JAZF1: variants seen among roughly 807,000 people sequenced by gnomAD.
JAZF1 encodes juxtaposed with another zinc finger protein 1.
Under a neutral mutation model 26.4 loss-of-function variants are expected in JAZF1, and 8 were observed. The observed-to-expected ratio is 0.30, with a 90% CI of 0.18 to 0.55. The LOEUF is 0.55. Ranked by LOEUF, JAZF1 falls within the 20% of genes least tolerant of loss-of-function variation. The pLI is 0.94. For synonymous variants in JAZF1, 126 were observed against 122.3 expected, an observed-to-expected ratio of 1.03 and a Z score of -0.20; for missense variants, 199 against 322.0, an observed-to-expected ratio of 0.62 and a Z score of 2.92.
chr7:28,174,254 G>C (rs1379187742), intron 1 of JAZF1, among the ~76,000 whole-genome samples: 3 of 152,188 alleles, frequency 2.0e-5, no homozygotes, highest in Non-Finnish European at 4.4e-5. Context: ...GGGTATGTAT[G>C]ATTGTTGCCC....
At chr7:28,096,662 A>T (rs1784390958) in intron 1 of JAZF1, among the ~76,000 whole-genome samples, 1 of 152,228 alleles carries the variant, frequency 6.6e-6, no homozygotes, top group African/African-American at 2.4e-5. Flanking sequence ...GATGGCCAAT[A>T]AGAGACTATT....
chr7:28,174,821 G>GGGGGGTGTGT (rs758961535), intron 1 of JAZF1, among the ~76,000 whole-genome samples: 1 of 107,690 alleles, frequency 9.3e-6, no homozygotes, highest in Non-Finnish European at 2.3e-5. Flanking sequence ...GGGGTGTGTG[G>GGGGGGTGTGT]GTGTGTGTGT....
intron 3 of JAZF1, among the ~76,000 whole-genome samples, chr7:27,893,232 C>T (rs1314055754): frequency 6.6e-6 from 1 of 152,184 alleles, no homozygotes; most frequent in Non-Finnish European, 1.5e-5. Flanking sequence ...CTAGGAAATC[C>T]CTTTTCCCCA....
At chr7:27,842,720 T>C (rs2128331819) in intron 3 of JAZF1, 1 of 152,368 alleles carries the variant, frequency 6.6e-6, no homozygotes, top group East Asian at 1.9e-4. Context: ...GACATTTTAC[T>C]CTTAAACAAA....
At chr7:28,169,150 A>G (rs1326250914) in intron 1 of JAZF1, among the ~76,000 whole-genome samples, 1 of 152,248 alleles carries the variant, frequency 6.6e-6, no homozygotes, top group African/African-American at 2.4e-5. Flanking sequence ...TTGACAAAAG[A>G]CGATTCCTTT....
At chr7:28,061,883 T>C (rs920305777) in intron 1 of JAZF1, among the ~76,000 whole-genome samples, 1 of 152,214 alleles carries the variant, frequency 6.6e-6, no homozygotes, top group African/African-American at 2.4e-5. Flanking sequence ...CATGAACACA[T>C]TTTGCCCAGC....
At chr7:28,068,521 A>T (rs182975338) in intron 1 of JAZF1, among the ~76,000 whole-genome samples, 1 of 152,286 alleles carries the variant, frequency 6.6e-6, no homozygotes, top group African/African-American at 2.4e-5. Flanking sequence ...CCAGTGCCCA[A>T]TTGCTGGAAT....
chr7:27,889,222 T>C (rs1195730625), intron 3 of JAZF1, among the ~76,000 whole-genome samples: 1 of 152,072 alleles, frequency 6.6e-6, no homozygotes, highest in Non-Finnish European at 1.5e-5. Context: ...CAGAGGTAGA[T>C]TAAAATTTTT....
At chr7:27,846,999 C>T (rs1783042979) in intron 3 of JAZF1, among the ~76,000 whole-genome samples, 1 of 151,914 alleles carries the variant, frequency 6.6e-6, no homozygotes, top group African/African-American at 2.4e-5. Context: ...GATGGAGTTT[C>T]ACTCTTGTTG....
chr7:27,981,135 C>A (rs1562548045), intron 2 of JAZF1, among the ~76,000 whole-genome samples: 1 of 152,222 alleles, frequency 6.6e-6, no homozygotes, highest in Admixed American at 6.5e-5. Flanking sequence ...ATCCACTATA[C>A]ATGTCTACTT....
intron 2 of JAZF1, among the ~76,000 whole-genome samples, chr7:27,900,812 C>G (rs1784151297): frequency 6.6e-6 from 1 of 151,908 alleles, no homozygotes; most frequent in African/African-American, 2.4e-5. Context: ...GACCAACACA[C>G]AGGTTAGGAA....
At chr7:28,034,944 C>G (rs1482843879) in intron 1 of JAZF1, among the ~76,000 whole-genome samples, 1 of 151,822 alleles carries the variant, frequency 6.6e-6, no homozygotes, top group Non-Finnish European at 1.5e-5. Context: ...TCACAGCCAG[C>G]AAGATGAGAA....
At chr7:27,949,253 T>A (rs1477704465) in intron 2 of JAZF1, among the ~76,000 whole-genome samples, 1 of 152,220 alleles carries the variant, frequency 6.6e-6, no homozygotes, top group Admixed American at 6.5e-5. Context: ...AAGGCAACTG[T>A]CAACACAACA....
At chr7:28,016,629 A>ACAT (rs1441961456) in intron 1 of JAZF1, among the ~76,000 whole-genome samples, 1 of 152,154 alleles carries the variant, frequency 6.6e-6, no homozygotes, top group Admixed American at 6.5e-5. Flanking sequence ...TAGACCAAAT[A>ACAT]CATCACCCTC....
At chr7:28,023,337 T>C (rs1206440874) in intron 1 of JAZF1, among the ~76,000 whole-genome samples, 1 of 152,244 alleles carries the variant, frequency 6.6e-6, no homozygotes, top group Non-Finnish European at 1.5e-5. Flanking sequence ...TGGACAAAGC[T>C]GAGCTCCCAC....
intron 3 of JAZF1, among the ~76,000 whole-genome samples, chr7:27,886,334 A>G (rs1375282034): frequency 6.6e-6 from 1 of 152,196 alleles, no homozygotes; most frequent in Admixed American, 6.5e-5. Context: ...CTGTGCTCCC[A>G]GAGTTCTGGA....
chr7:28,106,398 G>A (rs555094238), intron 1 of JAZF1, among the ~76,000 whole-genome samples: 1 of 152,234 alleles, frequency 6.6e-6, no homozygotes, highest in East Asian at 1.9e-4. Flanking sequence ...GAGCAGCAAC[G>A]TCCCAATTAC....
intron 1 of JAZF1, among the ~76,000 whole-genome samples, chr7:28,071,286 A>C (rs1783972001): frequency 6.6e-6 from 1 of 152,224 alleles, no homozygotes; most frequent in African/African-American, 2.4e-5. Context: ...AAAAGAGCTC[A>C]TCACAGCATA....
At chr7:27,904,530 A>G (rs905529642) in intron 2 of JAZF1, among the ~76,000 whole-genome samples, 4 of 152,224 alleles carry the variant, frequency 2.6e-5, no homozygotes, top group African/African-American at 9.6e-5. Flanking sequence ...ATTTCCAAAT[A>G]ACATTAATTT....
Sources: allele counts gnomAD v4.1 joint callset (sites outside exome capture counted in the v4.1 genomes callset), GRCh38; gene constraint gnomAD v4.1.1; transcripts MANE v1.5; gene names NCBI Gene and HGNC (gene_info 2026-07-23, HGNC 2026-07-21).